Variants in GRID2 observed in about 807,000 individuals in gnomAD.
GRID2 encodes glutamate ionotropic receptor delta type subunit 2.
A neutral mutation model predicts 114.8 loss-of-function variants in GRID2; 33 were observed. The observed-to-expected ratio is 0.29, with a 90% CI of 0.22 to 0.38. The LOEUF is 0.38. Ranked by LOEUF, GRID2 falls within the 10% of genes least tolerant of loss-of-function variation. The pLI is 1.00. For missense variants in GRID2, 1,184 were observed against 1,257.7 expected, an observed-to-expected ratio of 0.94 and a Z score of 0.89; for synonymous variants, 505 against 449.9, an observed-to-expected ratio of 1.12 and a Z score of -1.55.
At chr4:93,184,457 C>G (rs1740198070) in intron 4 of GRID2, among the ~76,000 whole-genome samples, 1 of 150,220 alleles carries the variant, frequency 6.7e-6, no homozygotes, top group African/African-American at 2.5e-5. Flanking sequence ...TCATTCTGCT[C>G]CTCTCCTCTG....
At chr4:92,511,044 C>T (rs1446957846) in intron 1 of GRID2, among the ~76,000 whole-genome samples, 2 of 151,776 alleles carry the variant, frequency 1.3e-5, no homozygotes, top group Non-Finnish European at 1.5e-5. Flanking sequence ...TTTAGTCCTT[C>T]CTGTATTGCT....
chr4:92,763,519 A>G (rs140714346), intron 2 of GRID2, among the ~76,000 whole-genome samples: 297 of 152,344 alleles, frequency 1.9e-3, no homozygotes, highest in Middle Eastern at 0.014. Flanking sequence ...ATTACACAAC[A>G]TTAGGTATTG....
intron 14 of GRID2, among the ~76,000 whole-genome samples, chr4:93,687,576 TG>T (rs1324557734): frequency 6.6e-6 from 1 of 151,890 alleles, no homozygotes. Flanking sequence ...AGAGGGCACT[TG>T]AAGAAAGAAA....
intron 2 of GRID2, among the ~76,000 whole-genome samples, chr4:92,658,728 T>C (rs964223251): frequency 8.2e-4 from 124 of 151,212 alleles, no homozygotes; most frequent in Admixed American, 2.7e-3. Context: ...TTTACACCAT[T>C]CCTTTTATTA....
intron 1 of GRID2, among the ~76,000 whole-genome samples, chr4:92,445,977 C>G (rs531886322): frequency 1.3e-5 from 2 of 152,150 alleles, no homozygotes; most frequent in Non-Finnish European, 2.9e-5. Flanking sequence ...CAGAGTCTCC[C>G]TCTGTAGCCC....
At chr4:93,592,666 C>A (rs1347194534) in intron 13 of GRID2, among the ~76,000 whole-genome samples, 18 of 152,084 alleles carry the variant, frequency 1.2e-4, no homozygotes, top group Non-Finnish European at 1.8e-4. Flanking sequence ...GTGTTAAAGT[C>A]TCCCACTATT....
At chr4:93,288,989 G>A (rs951529274) in intron 8 of GRID2, among the ~76,000 whole-genome samples, 19 of 152,128 alleles carry the variant, frequency 1.2e-4, no homozygotes, top group African/African-American at 4.3e-4. Flanking sequence ...TATAGTATTT[G>A]TTTTATTAAG....
chr4:93,370,780 C>G (rs1235600096), intron 8 of GRID2, among the ~76,000 whole-genome samples: 1 of 152,004 alleles, frequency 6.6e-6, no homozygotes, highest in East Asian at 1.9e-4. Flanking sequence ...TTTATTTTCC[C>G]TGTGTGATTT....
intron 4 of GRID2, among the ~76,000 whole-genome samples, chr4:93,120,147 G>A (rs560502792): frequency 1.4e-3 from 206 of 152,266 alleles, no homozygotes; most frequent in African/African-American, 4.7e-3. Flanking sequence ...ACTGTTTGTG[G>A]GAGTGTAAAT....
intron 1 of GRID2, among the ~76,000 whole-genome samples, chr4:92,398,838 G>T (rs1218968049): frequency 2.0e-5 from 3 of 152,268 alleles, no homozygotes; most frequent in African/African-American, 7.2e-5. Context: ...GTTAAAAAAT[G>T]CATATAATTT....
intron 2 of GRID2, among the ~76,000 whole-genome samples, chr4:92,626,714 C>T (rs1224868657): frequency 6.6e-6 from 1 of 151,964 alleles, no homozygotes; most frequent in East Asian, 1.9e-4. Flanking sequence ...ATATCTTCAA[C>T]CCATGCATTT....
intron 2 of GRID2, among the ~76,000 whole-genome samples, chr4:92,750,428 A>T (rs924354523): frequency 2.0e-5 from 3 of 152,210 alleles, no homozygotes; most frequent in Non-Finnish European, 4.4e-5. Flanking sequence ...GAATGAAAAT[A>T]TTAGTTCAAT....
At chr4:92,492,016 T>G (rs1422395372) in intron 1 of GRID2, among the ~76,000 whole-genome samples, 4 of 152,314 alleles carry the variant, frequency 2.6e-5, no homozygotes, top group African/African-American at 9.6e-5. Context: ...CTGACATCAG[T>G]CTATTCCCAG....
chr4:92,877,854 A>T (rs1017958453), intron 2 of GRID2, among the ~76,000 whole-genome samples: 1 of 152,090 alleles, frequency 6.6e-6, no homozygotes, highest in Non-Finnish European at 1.5e-5. Context: ...GGCTTTTTAT[A>T]TTTTACTCTC....
intron 8 of GRID2, among the ~76,000 whole-genome samples, chr4:93,277,372 T>A (rs552093418): frequency 8.5e-5 from 13 of 152,070 alleles, no homozygotes; most frequent in African/African-American, 3.1e-4. Flanking sequence ...CTTTCCACTA[T>A]AAATGTTTTA....
At chr4:93,543,551 GTTTA>G in intron 13 of GRID2, among the ~76,000 whole-genome samples, 1 of 152,232 alleles carries the variant, frequency 6.6e-6, no homozygotes, top group Non-Finnish European at 1.5e-5. Context: ...GGAAATATTT[GTTTA>G]TTCAGTTAAG....
intron 2 of GRID2, among the ~76,000 whole-genome samples, chr4:92,940,011 CT>C (rs1750981286): frequency 6.8e-6 from 1 of 147,130 alleles, no homozygotes; most frequent in Non-Finnish European, 1.5e-5. Context: ...ATGCCTCTAG[CT>C]TTGTTCTTTT....
intron 3 of GRID2, among the ~76,000 whole-genome samples, chr4:93,107,583 T>C (rs145619553): frequency 1.3e-5 from 2 of 152,242 alleles, no homozygotes; most frequent in African/African-American, 4.8e-5. Context: ...CTGTCACCCA[T>C]GTTGGAGTGC....
At chr4:92,600,044 G>GTCTA in intron 2 of GRID2, among the ~76,000 whole-genome samples, 1 of 54,432 alleles carries the variant, frequency 1.8e-5, no homozygotes, top group South Asian at 7.7e-4. Context: ...GTGTGTGTGT[G>GTCTA]TATATATATA....
Sources: allele counts gnomAD v4.1 joint callset (sites outside exome capture counted in the v4.1 genomes callset), GRCh38; gene constraint gnomAD v4.1.1; transcripts MANE v1.5; gene names NCBI Gene and HGNC (gene_info 2026-07-23, HGNC 2026-07-21).